Variants in NF1 observed in about 807,000 individuals in gnomAD.
NF1 encodes neurofibromin.
In NF1, 122 loss-of-function variants were observed where a neutral mutation model predicts 325.7. That is an observed-to-expected ratio of 0.37 (90% confidence interval 0.32 to 0.44). The LOEUF (loss-of-function observed/expected upper bound fraction) is 0.44, where lower values mean the gene tolerates loss of function less well. NF1 is among the 20% of genes least tolerant of loss of function. The pLI is 1.00. For missense variants in NF1, 2,140 were observed against 3,415.4 expected (o/e 0.63, Z 9.31); for synonymous variants, 1,091 against 1,186.0 (o/e 0.92, Z 1.65).
At chr17:31,308,271 G>T (rs543280675) in intron 36 of NF1, among the ~76,000 whole-genome samples, 99 of 152,002 alleles carry the variant, frequency 6.5e-4, no homozygotes, top group African/African-American at 2.3e-3. Context: ...CCGAGTAGCT[G>T]GGACTACAGT....
At chr17:31,097,722 G>T (rs1911881509) in intron 1 of NF1, among the ~76,000 whole-genome samples, 1 of 151,602 alleles carries the variant, frequency 6.6e-6, no homozygotes, top group Admixed American at 6.6e-5. Context: ...TTTGAGACAA[G>T]GTCTTGCTCT....
rs571111661 is a variant in NF1 at position 31,233,974 on chromosome 17, A to G, written c.3708+761A>G. ...CTCATCTCTAACATCATCTTATGCT[A>G]TTTTCTTTCTTGTTCACCAGAGCCA... is the stretch of plus-strand genomic sequence containing the variant. On this transcript the variant is annotated intron_variant, in intron 27 of 57. Transcript: ENST00000358273. Among the ~76,000 whole-genome samples the G allele has an allele frequency of 3.9e-5, 6 of 152,122 alleles. No homozygotes were observed. In the South Asian group the frequency reaches 6.2e-4, roughly 16 times the overall value.
chr17:31,095,489 G>GGAAGGGAAGA, intron 1 of NF1, 120 bp downstream of exon 1: 1 of 978,784 alleles, frequency 1.0e-6, no homozygotes, highest in Non-Finnish European at 1.5e-6. Context: ...GGAAAGGAAG[G>GGAAGGGAAGA]GAAGGGAAGA....
chr17:31,200,961 T>G, intron 9 of NF1, 76 bp from the exon 10 acceptor site: 1 of 1,593,472 alleles, frequency 6.3e-7, no homozygotes, highest in East Asian at 2.2e-5. Context: ...GGTAATGTGT[T>G]GATGTTATTA....
chr17:31,348,850 A>G (rs1401768811), intron 48 of NF1, among the ~76,000 whole-genome samples: 2 of 152,004 alleles, frequency 1.3e-5, no homozygotes, highest in South Asian at 2.1e-4. Context: ...CTGAAAGACT[A>G]TCATGTTTTT....
At position 31,158,605 on chromosome 17, in the gene NF1, G is replaced by A. The variant is rs574936855; in HGVS notation, c.205-405G>A. Among the ~76,000 whole-genome samples, 9 of 152,218 alleles carry A rather than the reference G, an allele frequency of 5.9e-5. 1 individual carries two copies. The East Asian group carries it at 1.7e-3, about 29-fold the overall frequency. ...GTAGTATTCATTTTGAGGATAGTGAGTACTTAAAATTCACTGTGGTGCTAT... is the reference window on the plus strand; with the variant it reads ...GTAGTATTCATTTTGAGGATAGTGAATACTTAAAATTCACTGTGGTGCTAT... On this transcript the variant is annotated intron_variant, in intron 2 of 57. Coordinates refer to ENST00000358273, the MANE Select transcript of NF1 (RefSeq NM_001042492.3).
chr17:31,096,890 A>C (rs552157493), intron 1 of NF1, among the ~76,000 whole-genome samples: 1 of 152,208 alleles, frequency 6.6e-6, no homozygotes, highest in South Asian at 2.1e-4. Context: ...TGCATATAAA[A>C]GATTACATTA....
intron 35 of NF1, among the ~76,000 whole-genome samples, chr17:31,263,035 A>AGGTAGG (rs1567864024): frequency 2.4e-4 from 9 of 37,486 alleles, no homozygotes; most frequent in African/African-American, 4.4e-4. Flanking sequence ...AGATAGATAG[A>AGGTAGG]TAGGTAGGTA....
intron 1 of NF1, among the ~76,000 whole-genome samples, chr17:31,153,824 G>C (rs575252876): frequency 6.7e-6 from 1 of 150,214 alleles, no homozygotes; most frequent in African/African-American, 2.4e-5. Flanking sequence ...CTGTTGCCCA[G>C]GCTGGTCTTG....
At chr17:31,274,533 A>G (rs1402618829) in intron 36 of NF1, among the ~76,000 whole-genome samples, 1 of 152,166 alleles carries the variant, frequency 6.6e-6, no homozygotes, top group African/African-American at 2.4e-5. Context: ...AATCTTATTT[A>G]TATGGTACAT....
At chr17:31,230,649 G>A (rs1240097121) in intron 23 of NF1, among the ~76,000 whole-genome samples, 193 bp from the exon 24 acceptor site, 1 of 152,064 alleles carries the variant, frequency 6.6e-6, no homozygotes, top group African/African-American at 2.4e-5. Flanking sequence ...CCATGATGGA[G>A]GATAAATATC....
chr17:31,139,116 C>T (rs1446250845), intron 1 of NF1, among the ~76,000 whole-genome samples: 3 of 152,120 alleles, frequency 2.0e-5, no homozygotes, highest in African/African-American at 7.2e-5. Flanking sequence ...GGCATGATCT[C>T]AGCTCACTGC....
Position 31,097,941 on chromosome 17 carries a change from G to GC in NF1, c.60+2578dup, listed in dbSNP as rs375158708. Reference sequence around the variant, plus strand: ...TTGAACTCCTGACCTCAGGTGATCTGCCCCCCACCCCCTGCTCGGCCTCCC... The same window carrying GC: ...TTGAACTCCTGACCTCAGGTGATCTGCCCCCCCACCCCCTGCTCGGCCTCCC... On this transcript the variant is annotated intron_variant, in intron 1 of 57. Transcript: ENST00000358273. Among the ~76,000 whole-genome samples the GC allele has an allele frequency of 1.7e-3, 265 of 151,912 alleles. 3 individuals carry two copies. Among genetic ancestry groups the GC allele is most frequent in the African/African-American group, 5.8e-3 (240 of 41,476 alleles).
Position 31,338,769 on chromosome 17 carries a change from A to G in NF1, c.6885A>G (p.Val2295=). 4 of 1,613,288 alleles carry G rather than the reference A, an allele frequency of 2.5e-6. No homozygotes were observed. The highest frequency in any genetic ancestry group is 3.4e-6 in the Non-Finnish European group (4 of 1,179,394). Residue 2295 remains valine (V), a synonymous_variant, in exon 46 of 58, where the codon GTA becomes GTG. Transcript: ENST00000358273. ...YNSQVLIEAT[V]IALTKLQPLL... The stretch of plus-strand genomic sequence containing the variant: ...GTCAAGTTCTGATAGAAGCTACAGT[A>G]ATAGCACTAACCAAATTACAGCCAC...
chr17:31,209,832 G>A (rs534954960), intron 12 of NF1, among the ~76,000 whole-genome samples: 3 of 152,104 alleles, frequency 2.0e-5, no homozygotes, highest in African/African-American at 7.2e-5. Flanking sequence ...TGTGTTTTTA[G>A]TAGACCATTT....
chr17:31,214,863 T>C (rs1190716818), intron 13 of NF1, among the ~76,000 whole-genome samples: 1 of 152,212 alleles, frequency 6.6e-6, no homozygotes, highest in Non-Finnish European at 1.5e-5. Flanking sequence ...ATCTCTGTTC[T>C]CATCCTATTA....
intron 16 of NF1, 46 bp downstream of exon 16, chr17:31,223,613 G>C (rs1459590555): frequency 1.3e-5 from 21 of 1,577,088 alleles, no homozygotes; most frequent in Non-Finnish European, 1.6e-5. Context: ...ATTTGGAATG[G>C]TAATGGTGAG....
rs948982039 is a variant in NF1, at chr17:31,325,889, T to C, written c.4905T>C (p.Tyr1635=). 2 of 1,614,204 alleles carry C rather than the reference T, an allele frequency of 1.2e-6. No homozygotes were observed. Among genetic ancestry groups the C allele is most frequent in the African/African-American group, 1.3e-5 (1 of 75,050 alleles). Residue 1635 remains tyrosine (Y), a synonymous_variant, in exon 37 of 58, where the codon TAT becomes TAC. Transcript: ENST00000358273. ...YHVLLTLKPY[Y]AKPYEIVVDL... is the part of the protein sequence containing the mutation. ...TCTTACTGACTTTAAAGCCATATTA[T>C]GCAAAGCCATATGAAATTGTAGTGG...
At chr17:31,275,592 A>G (rs8080679) in intron 36 of NF1, among the ~76,000 whole-genome samples, 81,883 of 152,052 alleles carry the variant, frequency 0.54, 25,505 homozygotes, top group Middle Eastern at 0.75. Context: ...TCAATACTGT[A>G]ATTCTGTGGT....
Sources: gnomAD v4.1 joint callset for allele counts (sites outside exome capture counted in the v4.1 genomes callset) on GRCh38, gnomAD v4.1.1 for gene constraint, MANE v1.5 for transcripts, NCBI Gene and HGNC (gene_info 2026-07-23, HGNC 2026-07-21) for gene names.